Variants in ARL15 observed in about 807,000 individuals in gnomAD.
ARL15 encodes the protein ADP-ribosylation factor-like protein 15.
A neutral mutation model predicts 25.2 loss-of-function variants in ARL15; 19 were observed. That is an observed-to-expected ratio of 0.75 (90% CI 0.53 to 1.10). The LOEUF is 1.10. Ranked by LOEUF, ARL15 falls within the 50% of genes least tolerant of loss-of-function variation. The pLI, the probability that ARL15 is intolerant of heterozygous loss-of-function variation, is 0.00. For missense variants in ARL15, 220 were observed against 246.0 expected (o/e 0.89, Z 0.71); for synonymous variants, 94 against 86.8 (o/e 1.08, Z -0.46).
At chr5:54,134,568 CTTTTTTTT>C (rs5867914) in intron 3 of ARL15, among the ~76,000 whole-genome samples, 4 of 51,768 alleles carry the variant, frequency 7.7e-5, no homozygotes, top group Non-Finnish European at 1.4e-4. Context: ...GAATGATTAG[CTTTTTTTT>C]TTTTTTTTTT....
At chr5:54,066,255 G>T (rs1312098440) in intron 4 of ARL15, among the ~76,000 whole-genome samples, 1 of 151,958 alleles carries the variant, frequency 6.6e-6, no homozygotes, top group Non-Finnish European at 1.5e-5. Context: ...CAACAGAAAA[G>T]GTAGGAAAAG....
At chr5:54,297,164 G>A (rs891816451) in intron 1 of ARL15, among the ~76,000 whole-genome samples, 6 of 152,176 alleles carry the variant, frequency 3.9e-5, no homozygotes, top group Non-Finnish European at 5.9e-5. Context: ...TACTAAGAGG[G>A]GTTGCACTAC....
chr5:54,065,587 A>AG (rs1167488978), intron 4 of ARL15, among the ~76,000 whole-genome samples: 5 of 90,076 alleles, frequency 5.6e-5, no homozygotes, highest in African/African-American at 3.4e-4. Flanking sequence ...AATCACTTGA[A>AG]CCCAGGAGGT....
chr5:53,927,896 C>T lies in ARL15; in HGVS notation c.463-41183G>A, dbSNP rs74990010. ...CTTTGCCCTTTACTAACTCTGTGAC[C>T]GTGGATGTTTCCCTTAACCACCCCG... On this transcript the variant is annotated intron_variant, in intron 4 of 4. Transcript: ENST00000504924. Among the ~76,000 whole-genome samples the T allele has an allele frequency of 9.9e-3, 1,514 of 152,182 alleles. 12 individuals are homozygous for T. Among genetic ancestry groups the T allele is most frequent in the Non-Finnish European group, 0.016 (1,078 of 68,000 alleles).
At chr5:54,087,805 A>G (rs974056799) in intron 4 of ARL15, among the ~76,000 whole-genome samples, 4 of 27,902 alleles carry the variant, frequency 1.4e-4, no homozygotes, top group African/African-American at 2.3e-4. Flanking sequence ...CCTCCTGAGT[A>G]GCTAGGATTA....
intron 4 of ARL15, among the ~76,000 whole-genome samples, chr5:53,983,631 T>C (rs1258770787): frequency 6.6e-6 from 1 of 152,226 alleles, no homozygotes; most frequent in Non-Finnish European, 1.5e-5. Flanking sequence ...TGGTCTACTT[T>C]CTTTAATCTG....
At position 54,308,931 on chromosome 5, in the gene ARL15, T is replaced by G. The variant is rs553374682; in HGVS notation, c.48+1501A>C. 3.9e-5 allele frequency among the ~76,000 whole-genome samples: 6 copies of G among 152,358 alleles called. No homozygotes were observed. In the East Asian group the frequency reaches 9.6e-4, roughly 24 times the overall value. On this transcript the variant is annotated intron_variant, in intron 1 of 4. Coordinates refer to ENST00000504924, the MANE Select transcript of ARL15 (RefSeq NM_019087.3). The stretch of plus-strand genomic sequence containing the variant: ...AATGTCACCCTTTCCTACTTGGTAA[T>G]TATCCCAACAAACTTTCGCTTTAAT...
intron 3 of ARL15, 75 bp from the exon 4 acceptor site, chr5:54,113,485 T>C (rs1422148453): frequency 1.0e-5 from 14 of 1,375,730 alleles, no homozygotes; most frequent in African/African-American, 1.4e-5. Flanking sequence ...CAGTAATTCC[T>C]ACTGGAAACC....
intron 3 of ARL15, among the ~76,000 whole-genome samples, chr5:54,139,484 A>T (rs878867681): frequency 1.3e-5 from 2 of 152,198 alleles, no homozygotes; most frequent in Non-Finnish European, 2.9e-5. Context: ...AGGCATACAG[A>T]GTGGTACAAT....
chr5:53,923,308 AT>A (rs142059361), intron 4 of ARL15, among the ~76,000 whole-genome samples: 8,046 of 152,198 alleles, frequency 0.053, 284 homozygotes, highest in Non-Finnish European at 0.082. Flanking sequence ...TTGTGGTCTG[AT>A]TTTTGCTAAG....
At chr5:54,246,428 A>G (rs1757087177) in intron 1 of ARL15, among the ~76,000 whole-genome samples, 1 of 152,100 alleles carries the variant, frequency 6.6e-6, no homozygotes, top group Non-Finnish European at 1.5e-5. Flanking sequence ...TGTGTTGTAC[A>G]AAGCCACATG....
In ARL15 at chr5:54,170,079, T is replaced by C. The variant is rs140414981; in HGVS notation, c.193+1705A>G. 2.4e-4 allele frequency among the ~76,000 whole-genome samples: 37 copies of C among 152,304 alleles called. 1 individual carries two copies. The East Asian group carries it at 7.1e-3, about 29-fold the overall frequency. Reference sequence around the variant, plus strand: ...AAGGTTCTTGATCAACAATATCCTTTCTACTTTTTGTAGGAAATCCTAGTT... The same window carrying C: ...AAGGTTCTTGATCAACAATATCCTTCCTACTTTTTGTAGGAAATCCTAGTT... On this transcript the variant is annotated intron_variant, in intron 2 of 4. Transcript: ENST00000504924.
chr5:54,281,013 T>A (rs1758046536), intron 1 of ARL15, among the ~76,000 whole-genome samples: 1 of 152,252 alleles, frequency 6.6e-6, no homozygotes, highest in South Asian at 2.1e-4. Context: ...AAATATTCAT[T>A]TTTGTTGTTG....
intron 4 of ARL15, among the ~76,000 whole-genome samples, chr5:54,060,003 T>TA (rs1211898116): frequency 3.3e-5 from 5 of 152,082 alleles, no homozygotes; most frequent in Non-Finnish European, 7.4e-5. Flanking sequence ...TCTATACTGA[T>TA]ACGGTTTGGC....
chr5:53,920,192 T>G (rs1277614652), intron 4 of ARL15, among the ~76,000 whole-genome samples: 1 of 152,212 alleles, frequency 6.6e-6, no homozygotes, highest in Non-Finnish European at 1.5e-5. Flanking sequence ...TGGGGGTCTA[T>G]TTTACCCAAA....
chr5:54,155,106 C>T (rs185893394), intron 2 of ARL15, among the ~76,000 whole-genome samples: 17 of 152,092 alleles, frequency 1.1e-4, no homozygotes, highest in African/African-American at 3.1e-4. Context: ...GGTGACACGC[C>T]GAGACTCCAT....
chr5:54,147,878 G>A (rs763335563), intron 3 of ARL15, among the ~76,000 whole-genome samples: 12 of 151,986 alleles, frequency 7.9e-5, no homozygotes, highest in Middle Eastern at 3.4e-3. Flanking sequence ...TTGTCTTTAC[G>A]TCTCCTCTGG....
At chr5:54,306,544 C>T (rs367887728) in intron 1 of ARL15, among the ~76,000 whole-genome samples, 7 of 152,062 alleles carry the variant, frequency 4.6e-5, no homozygotes, top group South Asian at 2.1e-4. Context: ...GCATGCGCCA[C>T]GACACCCAGC....
At chr5:54,081,873 C>T (rs527368939) in intron 4 of ARL15, among the ~76,000 whole-genome samples, 26 of 152,182 alleles carry the variant, frequency 1.7e-4, no homozygotes, top group African/African-American at 5.3e-4. Context: ...GGGCAGACCA[C>T]TTGAAATCAG....
Sources: allele counts gnomAD v4.1 joint callset (sites outside exome capture counted in the v4.1 genomes callset), GRCh38; gene constraint gnomAD v4.1.1; transcripts MANE v1.5; gene names NCBI Gene and HGNC (gene_info 2026-07-23, HGNC 2026-07-21).